Variants in EYS observed in about 807,000 individuals in gnomAD.
The protein encoded by EYS is protein eyes shut homolog.
Under a neutral mutation model 282.1 loss-of-function variants are expected in EYS, and 250 were observed. The ratio of observed to expected loss-of-function variants is 0.89; its 90% CI spans 0.80 to 0.98. The LOEUF (loss-of-function observed/expected upper bound fraction) is 0.98. Among genes scored for constraint, EYS ranks in the 50% least tolerant of loss-of-function variants. EYS has a pLI of 0.00. For missense variants in EYS, 4,016 were observed against 3,709.0 expected (o/e 1.08, Z -2.15); for synonymous variants, 1,355 against 1,282.9 (o/e 1.06, Z -1.20).
chr6:64,567,280 CAT>C (rs763000221), intron 26 of EYS, among the ~76,000 whole-genome samples: 6 of 152,106 alleles, frequency 3.9e-5, no homozygotes, highest in Non-Finnish European at 7.4e-5. Flanking sequence ...AAAGTCAACA[CAT>C]GATTCAATAA....
intron 30 of EYS, among the ~76,000 whole-genome samples, chr6:64,251,669 C>T (rs1344924779): frequency 6.6e-6 from 1 of 152,030 alleles, no homozygotes; most frequent in Non-Finnish European, 1.5e-5. Flanking sequence ...GTATTATGAC[C>T]ATGTTTTGCT....
At chr6:64,430,047 T>G (rs1476024153) in intron 28 of EYS, among the ~76,000 whole-genome samples, 2 of 152,194 alleles carry the variant, frequency 1.3e-5, no homozygotes, top group East Asian at 3.9e-4. Flanking sequence ...TGGTTCCACT[T>G]CACTGATTTT....
intron 21 of EYS, among the ~76,000 whole-genome samples, chr6:64,820,678 AT>A (rs1260425724): frequency 6.6e-6 from 1 of 152,126 alleles, no homozygotes; most frequent in Non-Finnish European, 1.5e-5. Context: ...TACTGTGATT[AT>A]TTTTATTGAA....
chr6:65,129,485 A>T (rs1775806279), intron 12 of EYS, among the ~76,000 whole-genome samples: 1 of 152,072 alleles, frequency 6.6e-6, no homozygotes, highest in Admixed American at 6.6e-5. Context: ...AAATAACCCC[A>T]TTAAAAAATG....
chr6:64,565,600 G>T (rs918882782), intron 26 of EYS, among the ~76,000 whole-genome samples: 1 of 152,058 alleles, frequency 6.6e-6, no homozygotes, highest in African/African-American at 2.4e-5. Flanking sequence ...GTTGCCACAA[G>T]CTGGGAGGTA....
chr6:64,296,958 C>A (rs1462197666), intron 30 of EYS, among the ~76,000 whole-genome samples: 1 of 152,144 alleles, frequency 6.6e-6, no homozygotes, highest in Non-Finnish European at 1.5e-5. Flanking sequence ...TGAAGGTTTA[C>A]AACCTTCCAG....
intron 18 of EYS, among the ~76,000 whole-genome samples, chr6:64,888,455 T>C (rs1767168918): frequency 6.6e-6 from 1 of 151,848 alleles, no homozygotes; most frequent in African/African-American, 2.4e-5. Flanking sequence ...CATAAATATA[T>C]CAATTATGTG....
intron 1 of EYS, among the ~76,000 whole-genome samples, chr6:65,701,319 G>A (rs533148135): frequency 6.6e-6 from 1 of 152,228 alleles, no homozygotes; most frequent in South Asian, 2.1e-4. Flanking sequence ...AGATGGATAA[G>A]TATTCAAACA....
chr6:64,812,169 A>G (rs1489041746), intron 22 of EYS, among the ~76,000 whole-genome samples: 1 of 151,924 alleles, frequency 6.6e-6, no homozygotes, highest in Non-Finnish European at 1.5e-5. Flanking sequence ...ACTATATTTT[A>G]TCAATCTACA....
chr6:64,664,150 T>A (rs868274814), intron 22 of EYS, among the ~76,000 whole-genome samples: 18 of 152,108 alleles, frequency 1.2e-4, no homozygotes, highest in African/African-American at 4.1e-4. Flanking sequence ...GAGTATGCAG[T>A]TGCATGATTT....
At chr6:65,703,308 A>C (rs1008163890) in intron 1 of EYS, among the ~76,000 whole-genome samples, 2 of 152,202 alleles carry the variant, frequency 1.3e-5, no homozygotes. Flanking sequence ...CATAAACCAT[A>C]AACAGATACA....
intron 40 of EYS, among the ~76,000 whole-genome samples, chr6:63,765,768 C>G (rs1582185946): frequency 6.6e-6 from 1 of 151,878 alleles, no homozygotes; most frequent in African/African-American, 2.4e-5. Flanking sequence ...TTTTTTGTAC[C>G]CATTAACCAT....
chr6:64,672,722 G>T (rs1354124626), intron 22 of EYS, among the ~76,000 whole-genome samples: 2 of 152,036 alleles, frequency 1.3e-5, no homozygotes, highest in African/African-American at 4.8e-5. Context: ...TACAGTAACT[G>T]CACAATCGAC....
intron 28 of EYS, among the ~76,000 whole-genome samples, chr6:64,391,257 T>C (rs12323045): frequency 0.038 from 5,700 of 151,318 alleles, 317 homozygotes; most frequent in African/African-American, 0.13. Flanking sequence ...AACATTCAGA[T>C]TCAGGAAATA....
intron 13 of EYS, among the ~76,000 whole-genome samples, chr6:65,009,334 A>C: frequency 6.6e-6 from 1 of 151,940 alleles, no homozygotes; most frequent in Non-Finnish European, 1.5e-5. Flanking sequence ...GAGTAAAGAA[A>C]CCCCATGGAT....
Position 64,798,286 on chromosome 6 carries a change from G to T in EYS, c.3443+15092C>A, listed in dbSNP as rs537843860. On this transcript the variant is annotated intron_variant, in intron 22 of 42. Coordinates refer to ENST00000503581, the MANE Select transcript of EYS (RefSeq NM_001142800.2). ...GGTTCCTTATCTTCTTTTTCATAAA[G>T]ATGTTAAAACATAATTAATGGCTTG... Among the ~76,000 whole-genome samples the T allele has an allele frequency of 4.0e-5, 6 of 151,858 alleles. No individual in the cohort carries two copies. In the South Asian group the frequency reaches 1.0e-3, roughly 26 times the overall value.
chr6:64,039,152 C>T (rs1052194531), intron 33 of EYS, among the ~76,000 whole-genome samples: 4 of 152,128 alleles, frequency 2.6e-5, no homozygotes, highest in Non-Finnish European at 4.4e-5. Context: ...TTTTCAAATA[C>T]CTGACTGACA....
chr6:64,394,539 C>T (rs1307512523), intron 28 of EYS, among the ~76,000 whole-genome samples: 2 of 152,042 alleles, frequency 1.3e-5, no homozygotes, highest in Non-Finnish European at 2.9e-5. Context: ...GAAATGATTC[C>T]CTATTTAATA....
chr6:63,826,845 C>CAAAAAAAAAAAAAAAAAAAAAAAAAAA (rs59957107), intron 36 of EYS, among the ~76,000 whole-genome samples: 15 of 76,742 alleles, frequency 2.0e-4, no homozygotes, highest in East Asian at 4.1e-4. Flanking sequence ...AGTTAAAAAG[C>CAAAAAAAAAAAAAAAAAAAAAAAAAAA]AAAAAAAAAA....
Sources: allele counts gnomAD v4.1 joint callset (sites outside exome capture counted in the v4.1 genomes callset), GRCh38; gene constraint gnomAD v4.1.1; transcripts MANE v1.5; gene names NCBI Gene and HGNC (gene_info 2026-07-23, HGNC 2026-07-21).